The following R3HDM1 variants were observed in gnomAD, a reference collection of about 807,000 sequenced individuals.
R3HDM1 encodes the protein R3H domain containing 1, also known as R3H domain-containing protein 1.
R3HDM1 carries 46 observed loss-of-function variants against 141.1 expected under a neutral mutation model. The observed-to-expected ratio is 0.33, with a 90% CI of 0.26 to 0.42. The LOEUF is 0.42. Among genes scored for constraint, R3HDM1 ranks in the 10% least tolerant of loss-of-function variants. R3HDM1 has a pLI of 1.00. For synonymous variants in R3HDM1, 435 were observed against 472.9 expected, an observed-to-expected ratio of 0.92 and a Z score of 1.04; for missense variants, 1,184 against 1,368.3, an observed-to-expected ratio of 0.87 and a Z score of 2.12.
In R3HDM1 at chr2:135,675,430, A is replaced by G; in HGVS notation, c.2251A>G (p.Ile751Val). 2 of 1,614,018 alleles carry G rather than the reference A, an allele frequency of 1.2e-6. No individual in the cohort carries two copies. Among genetic ancestry groups the G allele is most frequent in the African/African-American group, 1.3e-5 (1 of 75,058 alleles). ...CCTAGTCAGTGGCCAACCCAACAGC[A>G]TTGGAAATCAGATTCAAGGAGTGGT... ...QSLVSGQPNS[I>V]GNQIQGVVIP... The change falls in exon 20 of 27, where the codon ATT becomes GTT. Residue 751 changes from isoleucine to valine, a missense_variant. Physicochemically the swap from Ile to Val is conservative, Grantham distance 29. Around this residue, in one of 5 missense-constraint regions of R3HDM1, gnomAD observed 563 missense variants for 562.0 expected, o/e 1.00. Transcript: ENST00000683871.
chr2:135,537,883 CTGTT>C (rs1311511809), intron 1 of R3HDM1, among the ~76,000 whole-genome samples: 2 of 152,112 alleles, frequency 1.3e-5, no homozygotes, highest in Admixed American at 1.3e-4. Flanking sequence ...TACTGAGTAT[CTGTT>C]TGTTTTTTAC....
intron 19 of R3HDM1, among the ~76,000 whole-genome samples, chr2:135,671,411 C>T (rs2105333042): frequency 6.6e-6 from 1 of 151,540 alleles, no homozygotes; most frequent in Admixed American, 6.6e-5. Context: ...CTCTTGTCGC[C>T]CAGGCTGGAG....
intron 21 of R3HDM1, among the ~76,000 whole-genome samples, chr2:135,695,837 G>C (rs1490496949): frequency 6.6e-6 from 1 of 152,190 alleles, no homozygotes; most frequent in African/African-American, 2.4e-5. Flanking sequence ...ACTGTTAAAG[G>C]AAGTTTTTCA....
chr2:135,681,341 A>G (rs1213926838), intron 21 of R3HDM1, among the ~76,000 whole-genome samples: 1 of 152,246 alleles, frequency 6.6e-6, no homozygotes, highest in African/African-American at 2.4e-5. Flanking sequence ...GGAGATGGGA[A>G]AACAAATCTC....
chr2:135,615,507 G>A (rs973688417), intron 3 of R3HDM1, among the ~76,000 whole-genome samples: 3 of 152,120 alleles, frequency 2.0e-5, no homozygotes, highest in African/African-American at 7.2e-5. Flanking sequence ...TTGCCTTACC[G>A]CATTCTCCAA....
chr2:135,569,029 A>G (rs1703454914), intron 1 of R3HDM1, among the ~76,000 whole-genome samples: 1 of 150,278 alleles, frequency 6.7e-6, no homozygotes, highest in African/African-American at 2.4e-5. Context: ...CAGTCCAGTC[A>G]CTTACTAAGT....
chr2:135,638,914 A>T lies in R3HDM1; in HGVS notation c.1011A>T (p.Ser337=), dbSNP rs1266497915. ...RQIFRVNKDA[S]GRSTNSHQSS... Reference sequence around the variant, plus strand: ...ATTACAGAGTTAATAAAGATGCTTCAGGGAGATCTACAAATAGCCATCAAA... The same window carrying T: ...ATTACAGAGTTAATAAAGATGCTTCTGGGAGATCTACAAATAGCCATCAAA... The change falls in exon 14 of 27, where the codon TCA becomes TCT. Residue 337 remains serine, a synonymous_variant. Transcript: ENST00000683871. The T allele has an allele frequency of 6.2e-7, 1 of 1,613,982 alleles. No individual in the cohort carries two copies. Among genetic ancestry groups the T allele is most frequent in the Non-Finnish European group, 8.5e-7 (1 of 1,179,986 alleles).
chr2:135,651,624 A>G, intron 17 of R3HDM1, 106 bp from the exon 18 acceptor site: 5 of 1,400,066 alleles, frequency 3.6e-6, no homozygotes, highest in Non-Finnish European at 4.7e-6. Context: ...TATAATTTCC[A>G]TAATGTGTAC....
intron 1 of R3HDM1, chr2:135,543,052 C>G: frequency 1.0e-6 from 1 of 978,186 alleles, no homozygotes; most frequent in Non-Finnish European, 1.2e-6. Flanking sequence ...TGTTTTAAAG[C>G]AATGGGAATG....
At chr2:135,658,594 A>T (rs1205594306) in intron 18 of R3HDM1, among the ~76,000 whole-genome samples, 1 of 152,230 alleles carries the variant, frequency 6.6e-6, no homozygotes, top group Non-Finnish European at 1.5e-5. Flanking sequence ...TGTAGACTTC[A>T]TAAACACTCT....
intron 9 of R3HDM1, among the ~76,000 whole-genome samples, chr2:135,635,264 C>CCATAGGAGTAG (rs1405392250): frequency 6.6e-6 from 1 of 152,120 alleles, no homozygotes; most frequent in African/African-American, 2.4e-5. Flanking sequence ...AAACTAGGTA[C>CCATAGGAGTAG]CATAGGAGTA....
chr2:135,620,503 T>G, intron 5 of R3HDM1: 1 of 983,682 alleles, frequency 1.0e-6, no homozygotes, highest in South Asian at 4.7e-5. Context: ...ATTTACCCTA[T>G]ATTATGAACA....
chr2:135,537,020 C>T (rs1431245454), intron 1 of R3HDM1, among the ~76,000 whole-genome samples: 1 of 151,992 alleles, frequency 6.6e-6, no homozygotes, highest in African/African-American at 2.4e-5. Flanking sequence ...CCAAACAGGT[C>T]CCTGGTGCCA....
intron 16 of R3HDM1, among the ~76,000 whole-genome samples, chr2:135,647,581 A>G (rs2064610302): frequency 6.6e-6 from 1 of 152,186 alleles, no homozygotes; most frequent in Non-Finnish European, 1.5e-5. Context: ...TATTCATCAA[A>G]TTTCATAACT....
chr2:135,590,029 T>A (rs1452166589), intron 1 of R3HDM1, among the ~76,000 whole-genome samples: 1 of 152,164 alleles, frequency 6.6e-6, no homozygotes, highest in African/African-American at 2.4e-5. Context: ...ATGTGATTGC[T>A]GCATTTCTGA....
chr2:135,669,343 T>G (rs538557581), intron 19 of R3HDM1: 1 of 985,326 alleles, frequency 1.0e-6, no homozygotes, highest in African/African-American at 1.7e-5. Context: ...ACCCAAAAAT[T>G]TTCACTCTGA....
chr2:135,619,290 A>G (rs1480780637), intron 5 of R3HDM1, among the ~76,000 whole-genome samples: 1 of 152,132 alleles, frequency 6.6e-6, no homozygotes, highest in Non-Finnish European at 1.5e-5. Flanking sequence ...TTTGTAGTGC[A>G]TTTTACCTGT....
intron 24 of R3HDM1, 47 bp from the exon 25 acceptor site, chr2:135,721,877 C>T (rs776932860): frequency 3.2e-6 from 5 of 1,539,278 alleles, no homozygotes; most frequent in South Asian, 1.1e-5. Flanking sequence ...CATGAACCAC[C>T]GTGCCCGGCC....
At chr2:135,612,712 T>A (rs921347681) in intron 3 of R3HDM1, among the ~76,000 whole-genome samples, 10 of 152,204 alleles carry the variant, frequency 6.6e-5, no homozygotes, top group African/African-American at 2.4e-4. Context: ...ACAGGTCTAT[T>A]AAACAAGCTG....
Sources: allele counts gnomAD v4.1 joint callset (sites outside exome capture counted in the v4.1 genomes callset), GRCh38; gene constraint gnomAD v4.1.1; regional missense constraint gnomAD v4.1.1; transcripts MANE v1.5; gene names NCBI Gene and HGNC (gene_info 2026-07-23, HGNC 2026-07-21).